GRID1: variants seen among roughly 807,000 people sequenced by gnomAD.
GRID1 encodes the protein glutamate ionotropic receptor delta type subunit 1.
GRID1 carries 28 observed loss-of-function variants against 98.0 expected under a neutral mutation model. The observed-to-expected ratio is 0.29, with a 90% CI of 0.21 to 0.39. The LOEUF (loss-of-function observed/expected upper bound fraction) is 0.39. Among genes scored for constraint, GRID1 ranks in the 10% least tolerant of loss-of-function variants. The pLI is 1.00. For synonymous variants in GRID1, 553 were observed against 538.5 expected (o/e 1.03, Z -0.37); for missense variants, 1,111 against 1,340.5 (o/e 0.83, Z 2.67).
At position 86,009,107 on chromosome 10, in the gene GRID1, G is replaced by A. The variant is rs75692018; in HGVS notation, c.727-92868C>T. Among the ~76,000 whole-genome samples the A allele has an allele frequency of 1.4e-3, 211 of 152,100 alleles. 2 individuals are homozygous for A. Among genetic ancestry groups the A allele is most frequent in the African/African-American group, 4.6e-3 (190 of 41,490 alleles). The stretch of plus-strand genomic sequence containing the variant: ...GATTGTGTCACAAACCAAGGATTAT[G>A]AATAATCCAATTCTGAGGTCCAACT... On this transcript the variant is annotated intron_variant, in intron 4 of 15. Coordinates refer to ENST00000327946, the MANE Select transcript of GRID1 (RefSeq NM_017551.3).
chr10:85,706,863 A>C (rs2132630551), intron 12 of GRID1, among the ~76,000 whole-genome samples: 1 of 152,378 alleles, frequency 6.6e-6, no homozygotes, highest in Middle Eastern at 3.4e-3. Context: ...TAATGGGGAA[A>C]GGATTCCCTA....
chr10:86,265,183 C>T (rs181733750), intron 2 of GRID1, among the ~76,000 whole-genome samples: 2 of 152,270 alleles, frequency 1.3e-5, no homozygotes, highest in East Asian at 1.9e-4. Flanking sequence ...CATACCCCCA[C>T]CTCAGGCATG....
intron 8 of GRID1, among the ~76,000 whole-genome samples, chr10:85,826,495 G>A (rs942514683): frequency 3.9e-5 from 6 of 152,134 alleles, no homozygotes; most frequent in Non-Finnish European, 1.5e-5. Flanking sequence ...GCCAGCAACT[G>A]TGACCCTCCC....
intron 4 of GRID1, among the ~76,000 whole-genome samples, chr10:85,995,677 A>G (rs1271590466): frequency 2.6e-5 from 4 of 152,274 alleles, no homozygotes; most frequent in Non-Finnish European, 4.4e-5. Context: ...TAAGTTTACC[A>G]AGCTTTTATC....
chr10:86,112,021 G>A (rs1425584159), intron 4 of GRID1, among the ~76,000 whole-genome samples: 1 of 152,224 alleles, frequency 6.6e-6, no homozygotes, highest in Non-Finnish European at 1.5e-5. Flanking sequence ...CCACACTGGT[G>A]AGTGGCTGAG....
At chr10:86,126,968 A>G (rs1412084952) in intron 4 of GRID1, among the ~76,000 whole-genome samples, 2 of 152,250 alleles carry the variant, frequency 1.3e-5, no homozygotes, top group African/African-American at 4.8e-5. Flanking sequence ...GTCACGCCAA[A>G]GGGTGGCTTT....
intron 12 of GRID1, among the ~76,000 whole-genome samples, chr10:85,678,130 C>T (rs992870742): frequency 2.0e-5 from 3 of 152,144 alleles, no homozygotes; most frequent in African/African-American, 7.2e-5. Flanking sequence ...TAAGGCAAGA[C>T]ATGGGGTGGC....
At chr10:86,351,224 T>TC (rs1848457308) in intron 2 of GRID1, among the ~76,000 whole-genome samples, 1 of 152,242 alleles carries the variant, frequency 6.6e-6, no homozygotes, top group Admixed American at 6.5e-5. Flanking sequence ...CCCAGCCGAC[T>TC]CCGGCATCCT....
At chr10:86,337,182 T>C (rs923211842) in intron 2 of GRID1, among the ~76,000 whole-genome samples, 3 of 151,978 alleles carry the variant, frequency 2.0e-5, no homozygotes, top group African/African-American at 7.3e-5. Context: ...GACCGACTCA[T>C]CGAACAACAC....
chr10:86,337,794 G>A (rs1175729816), intron 2 of GRID1, among the ~76,000 whole-genome samples: 2 of 138,740 alleles, frequency 1.4e-5, no homozygotes, highest in African/African-American at 5.6e-5. Flanking sequence ...TGAAACCTCG[G>A]TCTCCCAGGT....
rs1298188071 is a variant in GRID1, at chr10:85,602,589, A to C, written c.2714T>G (p.Met905Arg). 1.2e-6 allele frequency: 2 copies of C among 1,614,000 alleles called. No individual in the cohort carries two copies. Among genetic ancestry groups the C allele is most frequent in the East Asian group, 2.2e-5 (1 of 44,852 alleles). ...PASIELSALE[M>R]GGLAPTQTLE... ...GGTCTGGGTGGGAGCCAGGCCCCCC[A>C]TCTCCAGGGCCGAGAGCTCAATCGA... Residue 905 changes from methionine (M) to arginine (R), a missense_variant, in exon 16 of 16, where the codon ATG becomes AGG. By Grantham distance (91) the Met-to-Arg change is moderately conservative. Transcript: ENST00000327946.
intron 4 of GRID1, among the ~76,000 whole-genome samples, chr10:85,995,523 G>A (rs547607728): frequency 2.9e-4 from 44 of 152,338 alleles, no homozygotes; most frequent in South Asian, 1.0e-3. Flanking sequence ...AATGGAGTAA[G>A]AGCACCCACC....
At chr10:85,884,544 C>T (rs1367390154) in intron 5 of GRID1, among the ~76,000 whole-genome samples, 1 of 152,166 alleles carries the variant, frequency 6.6e-6, no homozygotes, top group Non-Finnish European at 1.5e-5. Context: ...ATCTCATTAT[C>T]GTGACTGAAA....
At chr10:86,286,444 C>T (rs1032187171) in intron 2 of GRID1, among the ~76,000 whole-genome samples, 1 of 152,166 alleles carries the variant, frequency 6.6e-6, no homozygotes, top group Admixed American at 6.5e-5. Flanking sequence ...CTTTCCCTTC[C>T]CTGCCTTTTT....
chr10:86,141,742 G>A (rs1845013878), intron 3 of GRID1, among the ~76,000 whole-genome samples: 1 of 152,266 alleles, frequency 6.6e-6, no homozygotes, highest in Non-Finnish European at 1.5e-5. Flanking sequence ...CATCTGGCTG[G>A]TGGCTACCAT....
chr10:85,876,947 G>T (rs1435884029), intron 5 of GRID1, among the ~76,000 whole-genome samples: 1 of 152,242 alleles, frequency 6.6e-6, no homozygotes, highest in East Asian at 1.9e-4. Context: ...TGCACACCAG[G>T]AGATTATATC....
At chr10:86,146,356 T>C (rs1162915286) in intron 3 of GRID1, among the ~76,000 whole-genome samples, 4 of 152,196 alleles carry the variant, frequency 2.6e-5, no homozygotes, top group African/African-American at 7.2e-5. Flanking sequence ...AGATGTACTT[T>C]ACCCATAATT....
intron 8 of GRID1, among the ~76,000 whole-genome samples, chr10:85,799,110 T>C (rs1378560596): frequency 6.6e-6 from 1 of 152,146 alleles, no homozygotes; most frequent in African/African-American, 2.4e-5. Context: ...CTACTTTTTC[T>C]AATGTCTGCT....
intron 8 of GRID1, among the ~76,000 whole-genome samples, chr10:85,833,826 A>T (rs1236821678): frequency 6.6e-6 from 1 of 150,484 alleles, no homozygotes. Context: ...AATATAGAAT[A>T]ACTAAAACGA....
Sources: gnomAD v4.1 joint callset for allele counts (sites outside exome capture counted in the v4.1 genomes callset) on GRCh38, gnomAD v4.1.1 for gene constraint, MANE v1.5 for transcripts, NCBI Gene and HGNC (gene_info 2026-07-23, HGNC 2026-07-21) for gene names.